NSMCE1: variants seen among roughly 807,000 people sequenced by gnomAD.
NSMCE1 encodes NSE1 component of SMC5/6 complex.
In NSMCE1, 18 loss-of-function variants were observed where a neutral mutation model predicts 29.6. That is an observed-to-expected ratio of 0.61 (90% CI 0.42 to 0.90). The LOEUF (loss-of-function observed/expected upper bound fraction) is 0.90. Ranked by LOEUF, NSMCE1 falls within the 40% of genes least tolerant of loss-of-function variation. NSMCE1 has a pLI of 0.00. For missense variants in NSMCE1, 314 were observed against 343.6 expected, an observed-to-expected ratio of 0.91 and a Z score of 0.68; for synonymous variants, 124 against 133.4, an observed-to-expected ratio of 0.93 and a Z score of 0.49.
At chr16:27,255,113 C>T (rs1429466495) in intron 2 of NSMCE1, among the ~76,000 whole-genome samples, 2 of 152,068 alleles carry the variant, frequency 1.3e-5, no homozygotes, top group African/African-American at 2.4e-5. Context: ...CTCCTGACCT[C>T]AGGTGACCCA....
chr16:27,268,120 C>A (rs1203102931), intron 1 of NSMCE1: 1 of 152,104 alleles, frequency 6.6e-6, no homozygotes, highest in Non-Finnish European at 1.5e-5. Context: ...CTGCTCCAGC[C>A]CCCTCTGAGG....
At chr16:27,228,190 G>A (rs1420367706) in intron 5 of NSMCE1, among the ~76,000 whole-genome samples, 2 of 152,170 alleles carry the variant, frequency 1.3e-5, no homozygotes, top group East Asian at 1.9e-4. Context: ...CAGTGCGTTC[G>A]CTCTGGAACA....
At chr16:27,258,679 T>A (rs1361213807) in intron 1 of NSMCE1, among the ~76,000 whole-genome samples, 1 of 152,054 alleles carries the variant, frequency 6.6e-6, no homozygotes, top group Non-Finnish European at 1.5e-5. Flanking sequence ...GAGTCACAAC[T>A]ACCAAAGGCT....
At chr16:27,268,205 C>T (rs12102807) in intron 1 of NSMCE1, 8,502 of 152,054 alleles carry the variant, frequency 0.056, 590 homozygotes, top group African/African-American at 0.16. Context: ...ACGCATCTGG[C>T]CTCGGGGCTG....
chr16:27,231,984 AC>A (rs1340848922), intron 5 of NSMCE1, among the ~76,000 whole-genome samples: 2 of 152,008 alleles, frequency 1.3e-5, no homozygotes, highest in African/African-American at 4.8e-5. Context: ...TCACCCCATG[AC>A]CTCTCCACCC....
At chr16:27,235,373 T>C (rs1442603878) in intron 2 of NSMCE1, 74 bp from the exon 3 acceptor site, 1 of 1,548,010 alleles carries the variant, frequency 6.5e-7, no homozygotes, top group African/African-American at 1.4e-5. Context: ...GCTTGAATCA[T>C]TCCATCCCAT....
intron 2 of NSMCE1, among the ~76,000 whole-genome samples, chr16:27,250,967 G>A (rs1467115317): frequency 2.1e-5 from 3 of 142,058 alleles, no homozygotes; most frequent in African/African-American, 7.8e-5. Context: ...TCGGCCTCCC[G>A]AGCAGCTGGG....
At chr16:27,244,047 T>C (rs2083923469) in intron 2 of NSMCE1, among the ~76,000 whole-genome samples, 1 of 152,228 alleles carries the variant, frequency 6.6e-6, no homozygotes. Context: ...CCACTTCTGG[T>C]TAGCTGTCTC....
chr16:27,233,275 G>A (rs1266408639), intron 4 of NSMCE1, 128 bp from the exon 5 acceptor site: 3 of 716,578 alleles, frequency 4.2e-6, no homozygotes, highest in South Asian at 1.9e-5. Flanking sequence ...ACACTGGCAT[G>A]GTATTCCGGG....
At chr16:27,252,176 C>G (rs1239505263) in intron 2 of NSMCE1, among the ~76,000 whole-genome samples, 1 of 152,210 alleles carries the variant, frequency 6.6e-6, no homozygotes, top group Non-Finnish European at 1.5e-5. Flanking sequence ...ATCTTTTGCT[C>G]TAATGAGGCA....
At chr16:27,257,084 C>A (rs2084095790) in intron 2 of NSMCE1, among the ~76,000 whole-genome samples, 2 of 152,142 alleles carry the variant, frequency 1.3e-5, no homozygotes, top group South Asian at 2.1e-4. Context: ...CATATCATGT[C>A]TCTCAATTCC....
intron 2 of NSMCE1, chr16:27,241,878 T>C (rs902662064): frequency 5.1e-5 from 23 of 454,778 alleles, no homozygotes; most frequent in African/African-American, 3.6e-4. Flanking sequence ...GTCAGAGAGA[T>C]GAAGGACATA....
At chr16:27,227,493 G>A (rs539602571) in intron 5 of NSMCE1, among the ~76,000 whole-genome samples, 4 of 152,294 alleles carry the variant, frequency 2.6e-5, no homozygotes, top group South Asian at 2.1e-4. Flanking sequence ...GGGAGAGCCC[G>A]GAAGCACAAG....
intron 2 of NSMCE1, 97 bp downstream of exon 2, chr16:27,257,338 A>C: frequency 9.9e-7 from 1 of 1,008,012 alleles, no homozygotes. Flanking sequence ...TCAGCTCAGG[A>C]GTACCGGTTA....
intron 1 of NSMCE1, among the ~76,000 whole-genome samples, chr16:27,264,576 T>C (rs765889279): frequency 4.6e-5 from 7 of 152,172 alleles, no homozygotes; most frequent in Non-Finnish European, 8.8e-5. Flanking sequence ...TTGTTATCCA[T>C]ATGTAAAAAA....
intron 7 of NSMCE1, 48 bp downstream of exon 7, chr16:27,225,678 C>CG: frequency 6.2e-7 from 1 of 1,609,468 alleles, no homozygotes; most frequent in Non-Finnish European, 8.5e-7. Flanking sequence ...CCAGGCCCCA[C>CG]GTCCTGCTGG....
rs539756972 is a variant in NSMCE1, at chr16:27,225,480, A to AGC, written c.721+244_721+245dup. Among the ~76,000 whole-genome samples the AGC allele has an allele frequency of 3.6e-3, 546 of 152,344 alleles. 5 individuals carry two copies. Among genetic ancestry groups the AGC allele is most frequent in the African/African-American group, 0.013 (530 of 41,588 alleles). ...CTCCTGAGAGGGCTGCCAGAGAGAG[A>AGC]GCCTTGTCTAGACAAAATGCTCATA... On this transcript the variant is annotated intron_variant, in intron 7 of 7. Transcript: ENST00000361439.
chr16:27,227,986 T>C (rs1443367425), intron 5 of NSMCE1, among the ~76,000 whole-genome samples: 1 of 152,116 alleles, frequency 6.6e-6, no homozygotes, highest in Non-Finnish European at 1.5e-5. Flanking sequence ...GGTTTCACCA[T>C]GTTAGCCAGG....
chr16:27,250,243 C>T (rs1349555417), intron 2 of NSMCE1, among the ~76,000 whole-genome samples: 3 of 152,152 alleles, frequency 2.0e-5, no homozygotes, highest in Non-Finnish European at 2.9e-5. Flanking sequence ...AATCCAGCTA[C>T]CTTTTGTTTC....
Sources: gnomAD v4.1 joint callset for allele counts (sites outside exome capture counted in the v4.1 genomes callset) on GRCh38, gnomAD v4.1.1 for gene constraint, MANE v1.5 for transcripts, NCBI Gene and HGNC (gene_info 2026-07-23, HGNC 2026-07-21) for gene names.